The following CUX2 variants were observed in gnomAD, a reference collection of about 807,000 sequenced individuals.
CUX2 encodes homeobox protein cut-like 2.
A neutral mutation model predicts 144.8 loss-of-function variants in CUX2; 40 were observed. The observed-to-expected ratio is 0.28, with a 90% CI of 0.21 to 0.36. CUX2 has a LOEUF of 0.36. Among genes scored for constraint, CUX2 ranks in the 10% least tolerant of loss-of-function variants. CUX2 has a pLI of 1.00. For synonymous variants in CUX2, 827 were observed against 875.6 expected, an observed-to-expected ratio of 0.94 and a Z score of 0.98; for missense variants, 1,615 against 1,994.0, an observed-to-expected ratio of 0.81 and a Z score of 3.62.
At chr12:111,043,068 T>C (rs1477088413) in intron 1 of CUX2, among the ~76,000 whole-genome samples, 1 of 152,142 alleles carries the variant, frequency 6.6e-6, no homozygotes, top group African/African-American at 2.4e-5. Context: ...ATTCACCACT[T>C]ACGGTATAAA....
rs577097285 is a variant in CUX2 at position 111,203,746 on chromosome 12, G to T, written c.64-10454G>T. Reference sequence around the variant, plus strand: ...TGGGTTTAACAGGATCTCTGTGGCCGCCAAGTGGGGAAGGGGCTGTAGGAG... The same window carrying T: ...TGGGTTTAACAGGATCTCTGTGGCCTCCAAGTGGGGAAGGGGCTGTAGGAG... On this transcript the variant is annotated intron_variant, in intron 1 of 21. Coordinates refer to ENST00000261726, the MANE Select transcript of CUX2 (RefSeq NM_015267.4). 1.1e-4 allele frequency among the ~76,000 whole-genome samples: 16 copies of T among 152,146 alleles called. 1 individual carries two copies. In the South Asian group the frequency reaches 2.9e-3, roughly 28 times the overall value.
intron 3 of CUX2, among the ~76,000 whole-genome samples, chr12:111,240,805 T>G (rs548044732): frequency 6.6e-6 from 1 of 152,110 alleles, no homozygotes; most frequent in Non-Finnish European, 1.5e-5. Context: ...GACATTTGGG[T>G]TTTTGCTCTC....
rs1316596850 is a variant in CUX2 at position 111,312,347 on chromosome 12, A to G, written c.2002+146A>G. 8.1e-6 allele frequency: 5 copies of G among 620,928 alleles called. No homozygotes were observed. The highest frequency in any genetic ancestry group is 1.4e-5 in the Non-Finnish European group (5 of 358,932). 38.5% of individuals were successfully genotyped at this position (620,928 alleles called of 1,614,324 possible). A position where few individuals can be genotyped will look rare whatever the true frequency, so the allele number is the denominator to read the frequency against. On this transcript the variant is annotated intron_variant, in intron 16 of 21. Transcript: ENST00000261726. This position sits in a 1 kb window ranked among gnomAD's most constrained non-coding sequence, Gnocchi z 4.3. ...GGCCAGAGGGACCTGTCTAGAGCGC[A>G]TGGGTAGCTGTGGCACTGCTCAGAA... is the stretch of plus-strand genomic sequence containing the variant.
At chr12:111,076,051 A>T (rs532694894) in intron 1 of CUX2, among the ~76,000 whole-genome samples, 1 of 152,366 alleles carries the variant, frequency 6.6e-6, no homozygotes, top group African/African-American at 2.4e-5. Flanking sequence ...GAAGTCACAC[A>T]GCTAGTCAGT....
chr12:111,182,004 G>T (rs957738012), intron 1 of CUX2, among the ~76,000 whole-genome samples: 1 of 152,120 alleles, frequency 6.6e-6, no homozygotes, highest in African/African-American at 2.4e-5. Flanking sequence ...ATCTCCGACG[G>T]GTGCACCTAA....
At position 111,312,559 on chromosome 12, in the gene CUX2, G is replaced by A. The variant is rs1886962544; in HGVS notation, c.2002+358G>A. On this transcript the variant is annotated intron_variant, in intron 16 of 21. Transcript: ENST00000261726. The surrounding 1 kb of genome is among the most constrained non-coding windows in gnomAD (Gnocchi z 4.3). Reference sequence around the variant, plus strand: ...CTACTAAAAATACAAAATTACCTGGGCATGGTGATATGTGCCTGTAATCCC... The same window carrying A: ...CTACTAAAAATACAAAATTACCTGGACATGGTGATATGTGCCTGTAATCCC... Among the ~76,000 whole-genome samples the A allele has an allele frequency of 6.6e-6, 1 of 151,794 alleles. No individual in the cohort carries two copies. Among genetic ancestry groups the A allele is most frequent in the Non-Finnish European group, 1.5e-5 (1 of 68,008 alleles).
chr12:111,210,247 T>G (rs1175289303), intron 1 of CUX2, among the ~76,000 whole-genome samples: 1 of 152,226 alleles, frequency 6.6e-6, no homozygotes, highest in African/African-American at 2.4e-5. Flanking sequence ...TTTAGCTGTG[T>G]GTATTATGAA....
intron 1 of CUX2, among the ~76,000 whole-genome samples, chr12:111,145,451 C>T (rs1876606415): frequency 6.6e-6 from 1 of 152,190 alleles, no homozygotes; most frequent in African/African-American, 2.4e-5. Flanking sequence ...TCACTGTAGC[C>T]TCAAACTCTT....
intron 5 of CUX2, among the ~76,000 whole-genome samples, chr12:111,292,001 G>A (rs201656574): frequency 9.2e-5 from 14 of 152,238 alleles, no homozygotes; most frequent in East Asian, 3.9e-4. Flanking sequence ...CCACATGGGC[G>A]CCCTCCACAG....
chr12:111,141,775 G>A (rs1489979636), intron 1 of CUX2, among the ~76,000 whole-genome samples: 2 of 152,298 alleles, frequency 1.3e-5, no homozygotes, highest in East Asian at 1.9e-4. Flanking sequence ...TATGGTGACC[G>A]TGACATTGAT....
intron 4 of CUX2, among the ~76,000 whole-genome samples, chr12:111,284,711 C>T (rs1398009796): frequency 1.3e-5 from 2 of 152,162 alleles, no homozygotes; most frequent in Admixed American, 6.5e-5. Context: ...CCTACAGAGC[C>T]GCACTTTGAG....
rs527553732 is a variant in CUX2, at chr12:111,174,317, C to T, written c.64-39883C>T. 4.6e-5 allele frequency among the ~76,000 whole-genome samples: 7 copies of T among 152,324 alleles called. No individual in the cohort carries two copies. The East Asian group carries it at 9.7e-4, about 21-fold the overall frequency. ...TGATGACAGCAGGCATGGAGAGGCA[C>T]GGGACGTGTCTGAATGAGTCCACGC... On this transcript the variant is annotated intron_variant, in intron 1 of 21. Transcript: ENST00000261726.
chr12:111,287,590 T>C lies in CUX2; in HGVS notation c.302-3828T>C, dbSNP rs1461297559. On this transcript the variant is annotated intron_variant, in intron 4 of 21. Coordinates refer to ENST00000261726, the MANE Select transcript of CUX2 (RefSeq NM_015267.4). This position sits in a 1 kb window ranked among gnomAD's most constrained non-coding sequence, Gnocchi z 4.2. ...TTTTAGCTGGCCTGCCTAATGCGCT[T>C]GCTGGGTTAATTATGTCAATGTATA... Among the ~76,000 whole-genome samples the C allele has an allele frequency of 6.6e-6, 1 of 152,292 alleles. No homozygotes were observed. The highest frequency in any genetic ancestry group is 1.5e-5 in the Non-Finnish European group (1 of 68,050).
In CUX2 at chr12:111,289,336, C is replaced by T. The variant is rs1885558900; in HGVS notation, c.302-2082C>T. ...CCTTTGTGATATCAAAGCAAGAGAC[C>T]CAGATTCGAGTCTCACATCTACCTT... On this transcript the variant is annotated intron_variant, in intron 4 of 21. Transcript: ENST00000261726. The surrounding 1 kb of genome is among the most constrained non-coding windows in gnomAD (Gnocchi z 4.1). Among the ~76,000 whole-genome samples the T allele has an allele frequency of 6.6e-6, 1 of 152,072 alleles. No individual in the cohort carries two copies. The highest frequency in any genetic ancestry group is 2.4e-5 in the African/African-American group (1 of 41,414).
At chr12:111,203,634 G>A (rs929619235) in intron 1 of CUX2, among the ~76,000 whole-genome samples, 1 of 151,952 alleles carries the variant, frequency 6.6e-6, no homozygotes, top group Non-Finnish European at 1.5e-5. Flanking sequence ...AGGAAGTGAA[G>A]CCCAACACGA....
chr12:111,150,246 A>G (rs1251653537), intron 1 of CUX2, among the ~76,000 whole-genome samples: 1 of 152,156 alleles, frequency 6.6e-6, no homozygotes, highest in Non-Finnish European at 1.5e-5. Flanking sequence ...CATCATTTGA[A>G]TGTTTTAGAA....
At chr12:111,075,663 C>T (rs78276102) in intron 1 of CUX2, among the ~76,000 whole-genome samples, 1,947 of 152,114 alleles carry the variant, frequency 0.013, 23 homozygotes, top group Non-Finnish European at 0.017. Context: ...CTTATTTGGG[C>T]GCTTATTGTA....
At position 111,037,020 on chromosome 12, in the gene CUX2, T is replaced by A. The variant is rs1418734355; in HGVS notation, c.63+2780T>A. Among the ~76,000 whole-genome samples, 1 of 151,620 alleles carries A rather than the reference T, an allele frequency of 6.6e-6. No individual in the cohort carries two copies. Among genetic ancestry groups the A allele is most frequent in the Non-Finnish European group, 1.5e-5 (1 of 67,930 alleles). ...AATGCCAGTGACTCCTACGACACAC[T>A]TTTATTTTCATTTTTTGCCCCTCCC... On this transcript the variant is annotated intron_variant, in intron 1 of 21. Transcript: ENST00000261726. This position sits in a 1 kb window ranked among gnomAD's most constrained non-coding sequence, Gnocchi z 5.4.
chr12:111,205,642 A>G (rs1005462609), intron 1 of CUX2, among the ~76,000 whole-genome samples: 4 of 152,138 alleles, frequency 2.6e-5, no homozygotes, highest in African/African-American at 9.7e-5. Flanking sequence ...CAAGCACTTG[A>G]CCTGCTTACA....
Sources: gnomAD v4.1 joint callset for allele counts (sites outside exome capture counted in the v4.1 genomes callset) on GRCh38, gnomAD v4.1.1 for gene constraint, Gnocchi (gnomAD v3.1) non-coding constraint, MANE v1.5 for transcripts, NCBI Gene and HGNC (gene_info 2026-07-23, HGNC 2026-07-21) for gene names.